PCDH9: variants seen among roughly 807,000 people sequenced by gnomAD.
The protein encoded by PCDH9 is protocadherin-9.
A neutral mutation model predicts 70.6 loss-of-function variants in PCDH9; 24 were observed. The observed-to-expected ratio is 0.34, with a 90% CI of 0.25 to 0.48. PCDH9 has a LOEUF of 0.48. PCDH9 is among the 20% of genes least tolerant of loss of function. The probability of loss-of-function intolerance (pLI) is 0.99; values close to 1 mark genes in which losing one functional copy is unlikely to be tolerated. For missense variants in PCDH9, 1,281 were observed against 1,503.6 expected (o/e 0.85, Z 2.45); for synonymous variants, 562 against 558.5 (o/e 1.01, Z -0.09).
At chr13:66,786,853 T>TA (rs779988165) in intron 3 of PCDH9, among the ~76,000 whole-genome samples, 2 of 151,888 alleles carry the variant, frequency 1.3e-5, no homozygotes, top group Non-Finnish European at 2.9e-5. Context: ...AGAAAGGAGA[T>TA]AAAAAAATTC....
intron 2 of PCDH9, among the ~76,000 whole-genome samples, chr13:67,038,356 T>C (rs2085048593): frequency 6.6e-6 from 1 of 152,214 alleles, no homozygotes; most frequent in Non-Finnish European, 1.5e-5. Context: ...TTTAAAAAGA[T>C]ATTTTAAGAT....
intron 4 of PCDH9, among the ~76,000 whole-genome samples, chr13:66,512,035 G>T (rs1472283515): frequency 6.6e-6 from 1 of 152,062 alleles, no homozygotes; most frequent in Admixed American, 6.6e-5. Flanking sequence ...TTAGAGATAG[G>T]TTTATCATGA....
At chr13:67,181,700 G>T (rs1167738795) in intron 2 of PCDH9, among the ~76,000 whole-genome samples, 1 of 152,052 alleles carries the variant, frequency 6.6e-6, no homozygotes, top group Non-Finnish European at 1.5e-5. Flanking sequence ...GAGGGACAGT[G>T]TAATAGAGCT....
chr13:66,595,684 G>T (rs529444189), intron 4 of PCDH9, among the ~76,000 whole-genome samples: 1 of 151,584 alleles, frequency 6.6e-6, no homozygotes, highest in Non-Finnish European at 1.5e-5. Context: ...CAGGATATTT[G>T]CACTGAGAAA....
intron 4 of PCDH9, among the ~76,000 whole-genome samples, chr13:66,401,803 C>T (rs1240647762): frequency 1.3e-5 from 2 of 152,164 alleles, no homozygotes; most frequent in South Asian, 2.1e-4. Context: ...TCCTGACCCT[C>T]TCCATTTTTG....
intron 2 of PCDH9, among the ~76,000 whole-genome samples, chr13:67,115,557 T>C (rs1462070427): frequency 6.6e-6 from 1 of 152,234 alleles, no homozygotes; most frequent in Non-Finnish European, 1.5e-5. Context: ...TTGTAAACTT[T>C]CCAGTAGTGG....
Position 66,670,977 on chromosome 13 carries a change from C to T in PCDH9, c.3139-39566G>A, listed in dbSNP as rs1027781045. 8.7e-5 allele frequency among the ~76,000 whole-genome samples: 13 copies of T among 148,790 alleles called. No homozygotes were observed. In the East Asian group the frequency reaches 2.6e-3, roughly 30 times the overall value. On this transcript the variant is annotated intron_variant, in intron 3 of 4. Coordinates refer to ENST00000377865, the MANE Select transcript of PCDH9 (RefSeq NM_203487.3). ...GGTTTGGCTTTGTGCTCACCCAAAT[C>T]TCACTTTGAATTGTAGCTCCACATG...
intron 3 of PCDH9, among the ~76,000 whole-genome samples, chr13:66,772,868 A>G (rs891476474): frequency 7.2e-5 from 11 of 151,976 alleles, no homozygotes; most frequent in Non-Finnish European, 2.9e-5. Context: ...TAATTTCTCT[A>G]TTATCTATAT....
At chr13:66,812,767 G>A (rs776092127) in intron 3 of PCDH9, among the ~76,000 whole-genome samples, 1 of 152,122 alleles carries the variant, frequency 6.6e-6, no homozygotes, top group Non-Finnish European at 1.5e-5. Context: ...TAAAGTTTAG[G>A]AAATAATTAG....
At chr13:66,675,061 A>C (rs2078224112) in intron 3 of PCDH9, among the ~76,000 whole-genome samples, 1 of 152,112 alleles carries the variant, frequency 6.6e-6, no homozygotes, top group South Asian at 2.1e-4. Flanking sequence ...GTCTTACTTG[A>C]AAACTAGATA....
At chr13:66,573,080 A>G (rs978255997) in intron 4 of PCDH9, among the ~76,000 whole-genome samples, 3 of 152,044 alleles carry the variant, frequency 2.0e-5, no homozygotes, top group Non-Finnish European at 2.9e-5. Context: ...TTTCCTTCAC[A>G]TCCTTACCAG....
At chr13:66,857,672 A>AT (rs906405024) in intron 3 of PCDH9, among the ~76,000 whole-genome samples, 18 of 151,894 alleles carry the variant, frequency 1.2e-4, no homozygotes, top group African/African-American at 3.6e-4. Context: ...ATATTCATAT[A>AT]TTTTTTTTCT....
At chr13:66,902,322 A>G (rs1255684361) in intron 3 of PCDH9, among the ~76,000 whole-genome samples, 1 of 151,712 alleles carries the variant, frequency 6.6e-6, no homozygotes, top group Non-Finnish European at 1.5e-5. Context: ...TGTTCGAAAT[A>G]TTGCTCAATC....
At chr13:66,364,377 C>A (rs1314938724) in intron 4 of PCDH9, among the ~76,000 whole-genome samples, 4 of 152,050 alleles carry the variant, frequency 2.6e-5, no homozygotes, top group Non-Finnish European at 5.9e-5. Flanking sequence ...AGTATATGAT[C>A]AATTGGAAAC....
intron 2 of PCDH9, among the ~76,000 whole-genome samples, chr13:67,109,285 A>G (rs1425905144): frequency 2.0e-5 from 3 of 152,158 alleles, no homozygotes; most frequent in Non-Finnish European, 4.4e-5. Flanking sequence ...AGACCCTAAC[A>G]TTATTTTTAC....
chr13:66,937,799 A>C (rs184839047), intron 2 of PCDH9, among the ~76,000 whole-genome samples: 22 of 146,192 alleles, frequency 1.5e-4, no homozygotes, highest in African/African-American at 5.6e-4. Flanking sequence ...CTTCACTTCC[A>C]ATTCCTGTGC....
At chr13:66,986,690 T>G (rs1381731024) in intron 2 of PCDH9, among the ~76,000 whole-genome samples, 1 of 151,992 alleles carries the variant, frequency 6.6e-6, no homozygotes, top group Non-Finnish European at 1.5e-5. Context: ...CCAACAGATT[T>G]TAGGGTACTA....
intron 2 of PCDH9, among the ~76,000 whole-genome samples, chr13:67,053,046 G>T (rs1566391256): frequency 6.6e-6 from 1 of 152,078 alleles, no homozygotes; most frequent in African/African-American, 2.4e-5. Context: ...TTGAGCTACG[G>T]AATGCCTTGT....
At chr13:67,174,772 C>A (rs1471817002) in intron 2 of PCDH9, among the ~76,000 whole-genome samples, 2 of 152,056 alleles carry the variant, frequency 1.3e-5, no homozygotes, top group East Asian at 1.9e-4. Flanking sequence ...CATAAAGTGT[C>A]ATTTCTTTAT....
Sources: gnomAD v4.1 joint callset for allele counts (sites outside exome capture counted in the v4.1 genomes callset) on GRCh38, gnomAD v4.1.1 for gene constraint, MANE v1.5 for transcripts, NCBI Gene and HGNC (gene_info 2026-07-23, HGNC 2026-07-21) for gene names.